Variants in CDH23 observed in about 807,000 individuals in gnomAD.
CDH23 encodes cadherin-23.
A neutral mutation model predicts 317.1 loss-of-function variants in CDH23; 189 were observed. That is an observed-to-expected ratio of 0.60 (90% CI 0.53 to 0.67). The LOEUF (loss-of-function observed/expected upper bound fraction) is 0.67. CDH23 is among the 30% of genes least tolerant of loss of function. CDH23 has a pLI of 0.00. For synonymous variants in CDH23, 1,839 were observed against 1,876.8 expected (o/e 0.98, Z 0.52); for missense variants, 4,401 against 4,592.4 (o/e 0.96, Z 1.20).
rs1465542930 is a variant in CDH23 at position 71,677,681 on chromosome 10, G to A, written c.1740G>A (p.Leu580=). 1.3e-6 allele frequency: 2 copies of A among 1,561,794 alleles called. No homozygotes were observed. The highest frequency in any genetic ancestry group is 8.7e-7 in the Non-Finnish European group (1 of 1,153,138). ...AGAACGAGCCTTCTGTCACACAGCT[G>A]GTGCGGCTCCGGGTAAGGTGCCAGG... The part of the protein sequence containing the change: ...LRENEPSVTQ[L]VRLRATDEDS... Residue 580 remains leucine, a synonymous_variant, in exon 16 of 70, where the codon CTG becomes CTA. Coordinates refer to ENST00000224721, the MANE Select transcript of CDH23 (RefSeq NM_022124.6).
chr10:71,439,129 A>T (rs1326952124), intron 1 of CDH23, among the ~76,000 whole-genome samples: 1 of 152,128 alleles, frequency 6.6e-6, no homozygotes, highest in African/African-American at 2.4e-5. Context: ...TGAGCCCCCG[A>T]TCTCACTAGA....
In CDH23 at chr10:71,397,566, C is replaced by T. The variant is rs1290426551; in HGVS notation, c.-6+248C>T. Among the ~76,000 whole-genome samples the T allele has an allele frequency of 2.6e-5, 4 of 152,104 alleles. No homozygotes were observed. The highest frequency in any genetic ancestry group is 7.2e-5 in the African/African-American group (3 of 41,442). On this transcript the variant is annotated intron_variant, in intron 1 of 69. Coordinates refer to ENST00000224721, the MANE Select transcript of CDH23 (RefSeq NM_022124.6). The surrounding 1 kb of genome is among the most constrained non-coding windows in gnomAD (Gnocchi z 4.8). ...GATTCCTGGGAACTCGAATTCCATT[C>T]GCGTTGGCCTTGGGAGGACAGGCAT...
At chr10:71,533,875 C>T (rs1248192741) in intron 6 of CDH23, among the ~76,000 whole-genome samples, 1 of 152,128 alleles carries the variant, frequency 6.6e-6, no homozygotes, top group Non-Finnish European at 1.5e-5. Flanking sequence ...TAACTCTGTT[C>T]TAGGAAAGAG....
chr10:71,487,443 G>A (rs545339585), intron 3 of CDH23, among the ~76,000 whole-genome samples: 86 of 152,158 alleles, frequency 5.7e-4, no homozygotes, highest in Non-Finnish European at 9.3e-4. Flanking sequence ...TTACATGGAC[G>A]TGACATAAGC....
chr10:71,584,031 C>T (rs1370242306), intron 9 of CDH23, among the ~76,000 whole-genome samples: 3 of 152,148 alleles, frequency 2.0e-5, no homozygotes, highest in Non-Finnish European at 1.5e-5. Context: ...CCTAAAGAAT[C>T]AGAAACTCTG....
At chr10:71,677,404 G>GTTTAAAA in intron 15 of CDH23, 52 bp from the exon 16 acceptor site, 1 of 1,447,594 alleles carries the variant, frequency 6.9e-7, no homozygotes, top group African/African-American at 1.4e-5. Flanking sequence ...CCATCAACAA[G>GTTTAAAA]CCTGTTTTAA....
rs531593760 is a variant in CDH23, at chr10:71,532,711, G to GT, written c.429+21514dup. Among the ~76,000 whole-genome samples, 738 of 127,912 alleles carry GT rather than the reference G, an allele frequency of 5.8e-3. 5 individuals carry two copies. The highest frequency in any genetic ancestry group is 9.0e-3 in the Admixed American group (111 of 12,280). 83.9% of individuals were successfully genotyped at this position (127,912 alleles called of 152,430 possible). A position where few individuals can be genotyped will look rare whatever the true frequency, so the allele number is the denominator to read the frequency against. ...TGTTGGCAAGTTTTCTTTTGTTTTT[G>GT]TTTTTTTTTTTTTTTGTTTTTTTTT... On this transcript the variant is annotated intron_variant, in intron 6 of 69. Transcript: ENST00000224721.
Position 71,635,801 on chromosome 10 carries a change from C to T in CDH23, c.1135-8060C>T, listed in dbSNP as rs111420594. Among the ~76,000 whole-genome samples, 11 of 152,062 alleles carry T rather than the reference C, an allele frequency of 7.2e-5. 1 individual carries two copies. The highest frequency in any genetic ancestry group is 1.7e-4 in the African/African-American group (7 of 41,368). On this transcript the variant is annotated intron_variant, in intron 11 of 69. Transcript: ENST00000224721. ...GGCTGCTGTAACAAACTACCATTGA[C>T]GGTTGGCTTGTAAACATAGAAACTT...
At chr10:71,589,269 G>A (rs375133513) in intron 9 of CDH23, among the ~76,000 whole-genome samples, 9 of 152,156 alleles carry the variant, frequency 5.9e-5, no homozygotes, top group Non-Finnish European at 1.0e-4. Context: ...ACAGGCACCC[G>A]CCACCACACC....
chr10:71,810,409 C>G (rs1841880281), intron 61 of CDH23, 63 bp from the exon 62 acceptor site: 1 of 1,462,454 alleles, frequency 6.8e-7, no homozygotes, highest in Non-Finnish European at 9.6e-7. Context: ...CTAAAAGAGG[C>G]CTGCCCATCC....
chr10:71,798,203 C>T (rs995417706), intron 49 of CDH23, 151 bp from the exon 50 acceptor site: 6 of 642,592 alleles, frequency 9.3e-6, no homozygotes, highest in African/African-American at 9.0e-5. Context: ...GCCTCCTGTG[C>T]TGCAGCCTGA....
At position 71,806,277 on chromosome 10, in the gene CDH23, C is replaced by T. The variant is rs767392615; in HGVS notation, c.8174C>T (p.Pro2725Leu). 6.4e-7 allele frequency: 1 copy of T among 1,552,372 alleles called. No homozygotes were observed. Among genetic ancestry groups the T allele is most frequent in the South Asian group, 1.2e-5 (1 of 84,300 alleles). ...GACAACGAACCCCTTTTCGTGAGGCCTCCAGTGAGCTTGCCCACCTCCTGC... is the reference window on the plus strand; with the variant it reads ...GACAACGAACCCCTTTTCGTGAGGCTTCCAGTGAGCTTGCCCACCTCCTGC... Reference protein sequence around the residue: ...IDDNEPLFVRPPKGSPQYQLL... With the variant: ...IDDNEPLFVRLPKGSPQYQLL... Residue 2725 changes from proline (P) to leucine (L), a missense_variant, in exon 57 of 70, where the codon CCT (proline) becomes CTT (leucine). Around this residue, in one of 3 missense-constraint regions of CDH23, gnomAD observed 1,144 missense variants for 1,138.2 expected, o/e 1.01. Transcript: ENST00000224721.
chr10:71,790,766 A>AC, intron 46 of CDH23: 1 of 461,334 alleles, frequency 2.2e-6, no homozygotes, highest in Non-Finnish European at 4.0e-6. Flanking sequence ...CTCCAACCAG[A>AC]CCATGCCACA....
chr10:71,430,383 T>C (rs1849315326), intron 1 of CDH23, among the ~76,000 whole-genome samples: 2 of 152,182 alleles, frequency 1.3e-5, no homozygotes, highest in South Asian at 4.1e-4. Context: ...TATAACTTGG[T>C]GCACCCTCTT....
At chr10:71,772,667 G>T (rs967714009) in intron 38 of CDH23, among the ~76,000 whole-genome samples, 3 of 152,232 alleles carry the variant, frequency 2.0e-5, no homozygotes, top group Non-Finnish European at 4.4e-5. Context: ...GACCCAGAAG[G>T]GGCTCATAGC....
chr10:71,466,765 G>T (rs1036018899), intron 3 of CDH23, among the ~76,000 whole-genome samples: 8 of 152,134 alleles, frequency 5.3e-5, no homozygotes, highest in East Asian at 1.9e-4. Flanking sequence ...TTCTTGCGTG[G>T]TATGTGTTTA....
rs765403330 is a variant in CDH23, at chr10:71,799,137, G to A, written c.7081G>A (p.Asp2361Asn). Reference protein sequence around the residue: ...AGKVIANRTVDYEEVHWLNFT... With the variant: ...AGKVIANRTVNYEEVHWLNFT... The stretch of plus-strand genomic sequence containing the variant: ...GAAGGTCATTGCCAACCGGACAGTG[G>A]ACTACGAGGAGGTGCACTGGCTCAA... Residue 2361 changes from aspartate to asparagine, a missense_variant, in exon 51 of 70, where the codon GAC becomes AAC. Transcript: ENST00000224721. 1 of 1,613,984 alleles carries A rather than the reference G, an allele frequency of 6.2e-7. No individual in the cohort carries two copies. The highest frequency in any genetic ancestry group is 8.5e-7 in the Non-Finnish European group (1 of 1,179,844).
intron 47 of CDH23, 151 bp from the exon 48 acceptor site, chr10:71,793,031 T>A: frequency 1.8e-6 from 1 of 547,538 alleles, no homozygotes; most frequent in East Asian, 2.9e-5. Context: ...CATTTTCCTA[T>A]AAAATTGCAA....
rs1029081258 is a variant in CDH23, at chr10:71,751,065, G to A, written c.4845+9144G>A. 4.7e-5 allele frequency: 32 copies of A among 676,572 alleles called. No individual in the cohort carries two copies. The highest frequency in any genetic ancestry group is 1.3e-4 in the South Asian group (6 of 46,364). The allele number at this position is 676,572 out of a possible 1,614,324, so 41.9% of individuals were successfully genotyped here. ...AAATCCTTGGAACAGGGGCTGAGCCGTCCAGCATCCCCATGTAGCATCCAG... is the reference window on the plus strand; with the variant it reads ...AAATCCTTGGAACAGGGGCTGAGCCATCCAGCATCCCCATGTAGCATCCAG... On this transcript the variant is annotated intron_variant, in intron 38 of 69. Coordinates refer to ENST00000224721, the MANE Select transcript of CDH23 (RefSeq NM_022124.6). This position sits in a 1 kb window ranked among gnomAD's most constrained non-coding sequence, Gnocchi z 4.9.
Sources: gnomAD v4.1 joint callset for allele counts (sites outside exome capture counted in the v4.1 genomes callset) on GRCh38, gnomAD v4.1.1 for gene constraint, gnomAD v4.1.1 regional missense constraint, Gnocchi (gnomAD v3.1) non-coding constraint, MANE v1.5 for transcripts, NCBI Gene and HGNC (gene_info 2026-07-23, HGNC 2026-07-21) for gene names.